The following CELF2 variants were observed in gnomAD, a reference collection of about 807,000 sequenced individuals.
CELF2 encodes the protein CUGBP Elav-like family member 2.
A neutral mutation model predicts 62.6 loss-of-function variants in CELF2; 8 were observed. The observed-to-expected ratio is 0.13, with a 90% CI of 0.07 to 0.23. The LOEUF (loss-of-function observed/expected upper bound fraction) is 0.23. Ranked by LOEUF, CELF2 falls within the 10% of genes least tolerant of loss-of-function variation. CELF2 has a pLI of 1.00. For synonymous variants in CELF2, 258 were observed against 250.0 expected, an observed-to-expected ratio of 1.03 and a Z score of -0.30; for missense variants, 333 against 671.0, an observed-to-expected ratio of 0.50 and a Z score of 5.56.
At chr10:11,102,027 C>G (rs1001833942) in intron 1 of CELF2, 1 of 152,092 alleles carries the variant, frequency 6.6e-6, no homozygotes, top group Non-Finnish European at 1.5e-5. Context: ...GCATCATGGG[C>G]CTTTACTGAA....
chr10:10,615,418 G>A, the CELF2 span, among the ~76,000 whole-genome samples: 1 of 152,162 alleles, frequency 6.6e-6, no homozygotes. Context: ...GTCAGGCTGT[G>A]AGCAAGTATC....
chr10:11,092,886 C>G (rs1377053210), intron 1 of CELF2, among the ~76,000 whole-genome samples: 1 of 152,182 alleles, frequency 6.6e-6, no homozygotes, highest in African/African-American at 2.4e-5. Flanking sequence ...GTGAATCCAT[C>G]CAGACATAGG....
chr10:11,225,026 C>T (rs756988601), intron 3 of CELF2, among the ~76,000 whole-genome samples: 5 of 152,102 alleles, frequency 3.3e-5, no homozygotes, highest in Non-Finnish European at 5.9e-5. Context: ...TCGTCTGTCC[C>T]TCTGCTCGTT....
chr10:10,818,641 C>A (rs2056700178), intron 1 of CELF2, among the ~76,000 whole-genome samples: 1 of 151,598 alleles, frequency 6.6e-6, no homozygotes, highest in African/African-American at 2.4e-5. Flanking sequence ...GCAGCCTCCA[C>A]CTCCCAGGTT....
In CELF2 at chr10:11,005,548, AGGGGGG is replaced by A; in HGVS notation, c.53+109_53+114del. 6.6e-7 allele frequency: 1 copy of A among 1,525,596 alleles called. No individual in the cohort carries two copies. Among genetic ancestry groups the A allele is most frequent in the African/African-American group, 1.4e-5 (1 of 73,050 alleles). 94.5% of individuals were successfully genotyped at this position (1,525,596 alleles called of 1,614,324 possible). A position where few individuals can be genotyped will look rare whatever the true frequency, so the allele number is the denominator to read the frequency against. On this transcript the variant is annotated intron_variant, in intron 1 of 12. Transcript: ENST00000416382. The surrounding 1 kb of genome is among the most constrained non-coding windows in gnomAD (Gnocchi z 4.3). ...AGTAGCTTCCTTACCTTAGAAGAGA[AGGGGGG>A]AAAAAGAATCTAAAGAGGAAGAGGG...
rs75575683 is a variant in CELF2 at position 11,296,107 on chromosome 10, C to G, written c.976+7555C>G. Among the ~76,000 whole-genome samples, 1 of 152,298 alleles carries G rather than the reference C, an allele frequency of 6.6e-6. No homozygotes were observed. The highest frequency in any genetic ancestry group is 1.5e-5 in the Non-Finnish European group (1 of 68,016). Reference sequence around the variant, plus strand: ...CACCTGTGCCCTGAGCTCTCCTTGGCGGGTGCCTTCATCCCCGGGATGGAC... The same window carrying G: ...CACCTGTGCCCTGAGCTCTCCTTGGGGGGTGCCTTCATCCCCGGGATGGAC... On this transcript the variant is annotated intron_variant, in intron 9 of 12. Transcript: ENST00000633077. The surrounding 1 kb of genome is among the most constrained non-coding windows in gnomAD (Gnocchi z 5.0).
rs1471952856 is a variant in CELF2 at position 11,177,494 on chromosome 10, A to G, written c.271+11812A>G. Among the ~76,000 whole-genome samples, 1 of 152,162 alleles carries G rather than the reference A, an allele frequency of 6.6e-6. No homozygotes were observed. The highest frequency in any genetic ancestry group is 1.9e-4 in the East Asian group (1 of 5,194). The stretch of plus-strand genomic sequence containing the variant: ...CCAAAATGTTGGCATGAATTAAGAA[A>G]AATCAGTGAAGAAATGTTGCTTAAT... On this transcript the variant is annotated intron_variant, in intron 2 of 12. Coordinates refer to ENST00000633077, the MANE Select transcript of CELF2 (RefSeq NM_001326342.2). This position sits in a 1 kb window ranked among gnomAD's most constrained non-coding sequence, Gnocchi z 4.8.
chr10:10,720,109 G>C, the CELF2 span, among the ~76,000 whole-genome samples: 2 of 152,326 alleles, frequency 1.3e-5, no homozygotes, highest in South Asian at 4.1e-4. Flanking sequence ...GGGATGGTGG[G>C]AACTGAGTTG....
At chr10:11,023,697 A>G (rs2058699322) in intron 1 of CELF2, among the ~76,000 whole-genome samples, 1 of 152,224 alleles carries the variant, frequency 6.6e-6, no homozygotes, top group African/African-American at 2.4e-5. Context: ...CATGACAGAA[A>G]GTGATTACTC....
the CELF2 span, among the ~76,000 whole-genome samples, chr10:10,469,160 T>C: frequency 2.0e-5 from 3 of 152,006 alleles, no homozygotes; most frequent in African/African-American, 7.2e-5. Flanking sequence ...TTGATGTTTG[T>C]TTACTGACCT....
chr10:10,954,579 C>G (rs1219799651), intron 2 of CELF2, among the ~76,000 whole-genome samples: 1 of 152,148 alleles, frequency 6.6e-6, no homozygotes, highest in Non-Finnish European at 1.5e-5. Flanking sequence ...GTCAAATGTA[C>G]CATTTTCCCG....
intron 2 of CELF2, among the ~76,000 whole-genome samples, chr10:10,973,498 T>G (rs1027922444): frequency 6.6e-6 from 1 of 152,104 alleles, no homozygotes; most frequent in Non-Finnish European, 1.5e-5. Flanking sequence ...GCCTGCCTAC[T>G]CACCATGTGG....
chr10:10,750,190 G>A, the CELF2 span, among the ~76,000 whole-genome samples: 5 of 152,026 alleles, frequency 3.3e-5, no homozygotes, highest in Non-Finnish European at 5.9e-5. Context: ...GCTGAGGCAG[G>A]AGAATTGCTT....
In CELF2 at chr10:11,314,258, G is replaced by C; in HGVS notation, c.1096G>C (p.Val366Leu). The change falls in exon 10 of 13, where the codon GTT (valine) becomes CTT (leucine). Residue 366 changes from valine (V) to leucine (L), a missense_variant and splice_region_variant. Transcript: ENST00000633077. This position sits in a 1 kb window ranked among gnomAD's most constrained non-coding sequence, Gnocchi z 5.3. ...ACTGAATAATATTAATGCACTAGCAGGTACCATCAACAGTGAGTATTTGCT... is the reference window on the plus strand; with the variant it reads ...ACTGAATAATATTAATGCACTAGCACGTACCATCAACAGTGAGTATTTGCT... ...VGLNNINALA[V>L]AQMLSGMAAL... 6.2e-7 allele frequency: 1 copy of C among 1,614,172 alleles called. No individual in the cohort carries two copies. Among genetic ancestry groups the C allele is most frequent in the Non-Finnish European group, 8.5e-7 (1 of 1,180,018 alleles).
chr10:10,880,483 C>A (rs1193010244), intron 1 of CELF2, among the ~76,000 whole-genome samples: 3 of 152,116 alleles, frequency 2.0e-5, no homozygotes, highest in Non-Finnish European at 4.4e-5. Context: ...TGCTAAGGAG[C>A]CTATCTCCTT....
chr10:10,541,929 C>T, the CELF2 span, among the ~76,000 whole-genome samples: 4 of 152,166 alleles, frequency 2.6e-5, no homozygotes, highest in Non-Finnish European at 1.5e-5. Flanking sequence ...GGTTCAAACA[C>T]CTCTGATAAT....
At chr10:10,517,770 C>A in the CELF2 span, among the ~76,000 whole-genome samples, 1 of 152,306 alleles carries the variant, frequency 6.6e-6, no homozygotes, top group Admixed American at 6.5e-5. Flanking sequence ...TCAACAGGAG[C>A]TCTGAAGCTT....
rs2140407261 is a variant in CELF2 at position 11,309,370 on chromosome 10, C to G, written c.977-4769C>G. ...TGAAGTCTATTCCCCTGCACTGTGC[C>G]TCTGCTGTCACTCCTCAGAGGCCAC... On this transcript the variant is annotated intron_variant, in intron 9 of 12. Coordinates refer to ENST00000633077, the MANE Select transcript of CELF2 (RefSeq NM_001326342.2). The surrounding 1 kb of genome is among the most constrained non-coding windows in gnomAD (Gnocchi z 5.6). 6.6e-6 allele frequency among the ~76,000 whole-genome samples: 1 copy of G among 152,342 alleles called. No homozygotes were observed. Among genetic ancestry groups the G allele is most frequent in the South Asian group, 2.1e-4 (1 of 4,826 alleles).
Position 10,978,024 on chromosome 10 carries a change from GT to G in CELF2, c.89+58034del, listed in dbSNP as rs1310804718. On this transcript the variant is annotated intron_variant, in intron 2 of 13. Transcript: ENST00000636488. ...GGTATTTTGTGTGTTTTGGGTTTGG[GT>G]TTTTTTTTGTTTTTTGTTTTTTTTT... Among the ~76,000 whole-genome samples the G allele has an allele frequency of 6.3e-5, 9 of 141,924 alleles. No homozygotes were observed. In the East Asian group the frequency reaches 8.2e-4, roughly 13 times the overall value. The allele number at this position is 141,924 out of a possible 152,430, so 93.1% of individuals were successfully genotyped here. A position where few individuals can be genotyped will look rare whatever the true frequency, so the allele number is the denominator to read the frequency against.
Sources: gnomAD v4.1 joint callset for allele counts (sites outside exome capture counted in the v4.1 genomes callset) on GRCh38, gnomAD v4.1.1 for gene constraint, Gnocchi (gnomAD v3.1) non-coding constraint, MANE v1.5 for transcripts, NCBI Gene and HGNC (gene_info 2026-07-23, HGNC 2026-07-21) for gene names.